The following ULK1 variants were observed in gnomAD, a reference collection of about 807,000 sequenced individuals.
ULK1 encodes serine/threonine-protein kinase ULK1.
A neutral mutation model predicts 117.5 loss-of-function variants in ULK1; 48 were observed. The ratio of observed to expected loss-of-function variants is 0.41; its 90% CI spans 0.32 to 0.52. The LOEUF (loss-of-function observed/expected upper bound fraction) is 0.52. ULK1 is among the 20% of genes least tolerant of loss of function. The pLI is 0.29. For missense variants in ULK1, 1,387 were observed against 1,473.4 expected (o/e 0.94, Z 0.96); for synonymous variants, 790 against 637.8 (o/e 1.24, Z -3.60).
At chr12:131,896,020 G>T (rs1484192313) in intron 3 of ULK1, among the ~76,000 whole-genome samples, 196 bp downstream of exon 3, 2 of 152,196 alleles carry the variant, frequency 1.3e-5, no homozygotes, top group African/African-American at 4.8e-5. Flanking sequence ...GACCGGGGAG[G>T]GGGTGTCTGG....
chr12:131,916,296 C>T (rs1427634832), intron 19 of ULK1, 102 bp from the exon 20 acceptor site: 4 of 1,511,206 alleles, frequency 2.6e-6, no homozygotes, highest in South Asian at 1.3e-5. Flanking sequence ...AGGCTGCTCC[C>T]ACATGCCTGC....
intron 23 of ULK1, among the ~76,000 whole-genome samples, chr12:131,918,885 T>G (rs1166540562): frequency 2.3e-5 from 1 of 43,552 alleles, no homozygotes; most frequent in Non-Finnish European, 4.3e-5. Flanking sequence ...GTCGGGTGTG[T>G]GGGGTGTAGG....
chr12:131,920,213 G>A, intron 26 of ULK1, 77 bp downstream of exon 26: 1 of 1,539,056 alleles, frequency 6.5e-7, no homozygotes. Flanking sequence ...ACGGGACCTT[G>A]ATGCCCACAG....
chr12:131,909,309 C>A, intron 8 of ULK1, 72 bp downstream of exon 8: 1 of 1,452,478 alleles, frequency 6.9e-7, no homozygotes, highest in Non-Finnish European at 9.2e-7. Context: ...GTCAGACGCC[C>A]CCTGCGAGCC....
intron 15 of ULK1, 105 bp from the exon 16 acceptor site, chr12:131,914,247 A>G: frequency 6.5e-7 from 1 of 1,528,302 alleles, no homozygotes; most frequent in Non-Finnish European, 8.8e-7. Flanking sequence ...CCTCTGCCCT[A>G]ACTAGGAAGT....
chr12:131,918,198 C>T (rs1334682497), intron 22 of ULK1: 2 of 489,596 alleles, frequency 4.1e-6, no homozygotes, highest in Non-Finnish European at 7.3e-6. Context: ...GTGGCAGCTG[C>T]CCTCCTCCCA....
rs1489243709 is a variant in ULK1 at position 131,913,209 on chromosome 12, G to A, written c.1108G>A (p.Ala370Thr). The change falls in exon 14 of 28, where the codon GCT (alanine) becomes ACT (threonine). Residue 370 changes from alanine (A) to threonine (T), a missense_variant. This residue lies in a region of ULK1 where 260 missense variants were observed against 271.6 expected (regional missense o/e 0.96). Transcript: ENST00000321867. ...VPAQFPGDLV[A>T]EAPSAKPPPD... ...GTCTCCCCCTGCAGGTGACCTGGTG[G>A]CTGAGGCGCCCAGTGCCAAACCCCC... The A allele has an allele frequency of 6.3e-7, 1 of 1,587,252 alleles. No homozygotes were observed. Among genetic ancestry groups the A allele is most frequent in the Non-Finnish European group, 8.5e-7 (1 of 1,169,686 alleles).
chr12:131,920,046 G>T lies in ULK1; in HGVS notation c.2871G>T (p.Leu957=). 1 of 1,612,856 alleles carries T rather than the reference G, an allele frequency of 6.2e-7. No individual in the cohort carries two copies. Among genetic ancestry groups the T allele is most frequent in the Non-Finnish European group, 8.5e-7 (1 of 1,179,976 alleles). The change falls in exon 26 of 28, where the codon CTG becomes CTT. Residue 957 remains leucine (L), a synonymous_variant. Transcript: ENST00000321867. ...CCTGCCAGGGCCTGAGCCTGCGGCT[G>T]CAGCGCTTCTTCCTGGACAAGCAGC... The part of the protein sequence containing the change: ...VVSCQGLSLR[L]QRFFLDKQRL...
intron 23 of ULK1, 27 bp from the exon 24 acceptor site, chr12:131,919,185 T>G (rs746836189): frequency 2.5e-6 from 4 of 1,577,218 alleles, no homozygotes; most frequent in East Asian, 2.2e-5. Context: ...GGGCAGCACT[T>G]GCCGCCCTGA....
At position 131,895,094 on chromosome 12, in the gene ULK1, C is replaced by G; in HGVS notation, c.93C>G (p.Phe31Leu). 3.2e-6 allele frequency: 5 copies of G among 1,566,458 alleles called. No individual in the cohort carries two copies. Among genetic ancestry groups the G allele is most frequent in the Non-Finnish European group, 4.3e-6 (5 of 1,164,428 alleles). ...LIGHGAFAVVFKGRHREKHDL... is the reference protein window; with the variant it reads ...LIGHGAFAVVLKGRHREKHDL... The stretch of plus-strand genomic sequence containing the variant: ...GCCACGGCGCCTTCGCGGTGGTCTT[C>G]AAGGGCCGCCACCGCGAGGTGAGGC... Residue 31 changes from phenylalanine (F) to leucine (L), a missense_variant, in exon 1 of 28, where the codon TTC becomes TTG. By Grantham distance (22) the Phe-to-Leu change is conservative. Around this residue, in one of 4 missense-constraint regions of ULK1, gnomAD observed 224 missense variants for 325.2 expected, o/e 0.69. Transcript: ENST00000321867.
At position 131,895,628 on chromosome 12, in the gene ULK1, T is replaced by A; in HGVS notation, c.139T>A (p.Cys47Ser). The A allele has an allele frequency of 6.2e-7, 1 of 1,613,942 alleles. No individual in the cohort carries two copies. Among genetic ancestry groups the A allele is most frequent in the Admixed American group, 1.7e-5 (1 of 60,012 alleles). Residue 47 changes from cysteine (C) to serine (S), a missense_variant, in exon 2 of 28, where the codon TGC becomes AGC. This residue lies in a region of ULK1 where 224 missense variants were observed against 325.2 expected (regional missense o/e 0.69). Transcript: ENST00000321867. ...GCACGATTTGGAGGTCGCCGTCAAG[T>A]GCATTAACAAGAAGAACCTCGCCAA... ...EKHDLEVAVK[C>S]INKKNLAKSQ...
chr12:131,917,485 G>C lies in ULK1; in HGVS notation c.2257G>C (p.Val753Leu), dbSNP rs777881017. The change falls in exon 22 of 28, where the codon GTC (valine) becomes CTC (leucine). Residue 753 changes from valine to leucine, a missense_variant. Coordinates refer to ENST00000321867, the MANE Select transcript of ULK1 (RefSeq NM_003565.4). ...AGGTSSPSPV[V>L]FTVGSPPSGS... ...GGGCACCAGCAGCCCTTCCCCGGTG[G>C]TCTTCACCGTGGGCTCTCCCCCGAG... 3 of 1,506,206 alleles carry C rather than the reference G, an allele frequency of 2.0e-6. No homozygotes were observed. In the Admixed American group the frequency reaches 6.5e-5, roughly 33 times the overall value. The allele number at this position is 1,506,206 out of a possible 1,614,324, so 93.3% of individuals were successfully genotyped here.
chr12:131,914,109 G>A (rs1365629760), intron 15 of ULK1, among the ~76,000 whole-genome samples: 5 of 152,372 alleles, frequency 3.3e-5, no homozygotes, highest in East Asian at 1.9e-4. Context: ...CCAGGGCCCC[G>A]GCCAGGGTGG....
At position 131,916,980 on chromosome 12, in the gene ULK1, C is replaced by T; in HGVS notation, c.2100C>T (p.Asp700=). The stretch of plus-strand genomic sequence containing the variant: ...CTTTCAGCACCAGCCGCCTCACTGA[C>T]CTGCTCCTTAAGGCGGCGTTTGGGA... ...GRSFSTSRLT[D]LLLKAAFGTQ... The change falls in exon 21 of 28, where the codon GAC becomes GAT. Residue 700 remains aspartate (D), a synonymous_variant. Transcript: ENST00000321867. The T allele has an allele frequency of 6.2e-7, 1 of 1,610,884 alleles. No individual in the cohort carries two copies. The highest frequency in any genetic ancestry group is 1.1e-5 in the South Asian group (1 of 91,004).
rs774625816 is a variant in ULK1 at position 131,915,368 on chromosome 12, G to A, written c.1556G>A (p.Gly519Glu). 6 of 1,612,814 alleles carry A rather than the reference G, an allele frequency of 3.7e-6. No individual in the cohort carries two copies. Among genetic ancestry groups the A allele is most frequent in the Non-Finnish European group, 5.1e-6 (6 of 1,179,966 alleles). The change falls in exon 18 of 28, where the codon GGG becomes GAG. Residue 519 changes from glycine to glutamate, a missense_variant. By Grantham distance (98) the Gly-to-Glu change is moderately conservative. Transcript: ENST00000321867. Reference protein sequence around the residue: ...GTIPERPGWSGTPSPQGAEMR... With the variant: ...GTIPERPGWSETPSPQGAEMR... ...ATCCCTGAGCGGCCAGGCTGGAGCG[G>A]GACGCCCTCCCCACAGGGAGCTGAG...
At chr12:131,908,019 C>T (rs1268979263) in intron 5 of ULK1, among the ~76,000 whole-genome samples, 3 of 151,690 alleles carry the variant, frequency 2.0e-5, no homozygotes, top group Admixed American at 6.6e-5. Flanking sequence ...GGGGCGCCGG[C>T]GGCCTCTTGG....
chr12:131,918,963 G>T (rs1262660644), intron 23 of ULK1, among the ~76,000 whole-genome samples: 1 of 112,406 alleles, frequency 8.9e-6, no homozygotes. Context: ...GCAGGGTGTG[G>T]GGTGCAGGGT....
intron 3 of ULK1, among the ~76,000 whole-genome samples, chr12:131,901,243 C>T (rs1593259660): frequency 6.6e-6 from 1 of 151,552 alleles, no homozygotes; most frequent in East Asian, 1.9e-4. Flanking sequence ...CCTGTAGTCC[C>T]AGCTACTTGT....
At position 131,922,683 on chromosome 12, in the gene ULK1, G is replaced by T. The variant is rs1260613144; in HGVS notation, c.*1322G>T. The T allele has an allele frequency of 6.5e-6, 1 of 152,818 alleles. No individual in the cohort carries two copies. The highest frequency in any genetic ancestry group is 1.5e-5 in the Non-Finnish European group (1 of 68,360). The allele number at this position is 152,818 out of a possible 1,614,324, so 9.5% of individuals were successfully genotyped here. A position where few individuals can be genotyped will look rare whatever the true frequency, so the allele number is the denominator to read the frequency against. ...TGAACGAGTCCCCAGTCTGCGGGAG[G>T]CAGTGGTGGGGCCATGGACCCATGC... On this transcript the variant is annotated 3_prime_UTR_variant, in exon 28 of 28. Coordinates refer to ENST00000321867, the MANE Select transcript of ULK1 (RefSeq NM_003565.4).
Sources: allele counts gnomAD v4.1 joint callset (sites outside exome capture counted in the v4.1 genomes callset), GRCh38; gene constraint gnomAD v4.1.1; regional missense constraint gnomAD v4.1.1; transcripts MANE v1.5; gene names NCBI Gene and HGNC (gene_info 2026-07-23, HGNC 2026-07-21).